NBEA: variants seen among roughly 807,000 people sequenced by gnomAD.
NBEA encodes neurobeachin, also known as lysosomal-trafficking regulator 2.
In NBEA, 44 loss-of-function variants were observed where a neutral mutation model predicts 343.4. The ratio of observed to expected loss-of-function variants is 0.13; its 90% confidence interval spans 0.10 to 0.16. NBEA has a LOEUF of 0.16. Among genes scored for constraint, NBEA ranks in the 10% least tolerant of loss-of-function variants. The pLI is 1.00. For synonymous variants in NBEA, 1,175 were observed against 1,238.7 expected (o/e 0.95, Z 1.08); for missense variants, 2,555 against 3,631.3 (o/e 0.70, Z 7.62).
chr13:35,286,604 C>T (rs184056165), intron 34 of NBEA, among the ~76,000 whole-genome samples: 19 of 152,054 alleles, frequency 1.2e-4, no homozygotes, highest in Admixed American at 1.1e-3. Flanking sequence ...AAGTTAGACC[C>T]GCAGATTGAC....
At chr13:35,543,733 G>A (rs930870355) in intron 41 of NBEA, among the ~76,000 whole-genome samples, 1 of 152,148 alleles carries the variant, frequency 6.6e-6, no homozygotes, top group African/African-American at 2.4e-5. Context: ...ATGGGAAAGA[G>A]AACCTGTACT....
intron 36 of NBEA, among the ~76,000 whole-genome samples, 190 bp from the exon 37 acceptor site, chr13:35,348,918 G>A (rs140148359): frequency 4.6e-5 from 7 of 152,014 alleles, no homozygotes; most frequent in Middle Eastern, 3.4e-3. Flanking sequence ...CAGAGGAATT[G>A]GTGCAACAGT....
At chr13:35,069,493 C>G (rs1334861130) in intron 8 of NBEA, among the ~76,000 whole-genome samples, 2 of 152,030 alleles carry the variant, frequency 1.3e-5, no homozygotes, top group Non-Finnish European at 2.9e-5. Flanking sequence ...CTTTTTATAG[C>G]CTCAAATGAT....
intron 10 of NBEA, among the ~76,000 whole-genome samples, chr13:35,097,462 T>C (rs2065395834): frequency 6.6e-6 from 1 of 152,030 alleles, no homozygotes; most frequent in Non-Finnish European, 1.5e-5. Flanking sequence ...TATTTTGAGC[T>C]ACATTAAGCA....
chr13:35,146,754 C>A (rs915378618), intron 18 of NBEA, among the ~76,000 whole-genome samples: 1 of 152,136 alleles, frequency 6.6e-6, no homozygotes, highest in Non-Finnish European at 1.5e-5. Context: ...ATAGTGACTG[C>A]TATCATTTGG....
chr13:35,424,685 C>T (rs1234993714), intron 38 of NBEA, among the ~76,000 whole-genome samples: 1 of 152,064 alleles, frequency 6.6e-6, no homozygotes, highest in Non-Finnish European at 1.5e-5. Context: ...GGGAGGATTC[C>T]CTCTTTTTCT....
At chr13:35,506,493 T>G (rs549992772) in intron 41 of NBEA, among the ~76,000 whole-genome samples, 2 of 152,328 alleles carry the variant, frequency 1.3e-5, no homozygotes, top group East Asian at 3.9e-4. Flanking sequence ...ATCAAATGTA[T>G]TGATTCAGCA....
chr13:35,179,999 A>T (rs532038237), intron 28 of NBEA, among the ~76,000 whole-genome samples: 2 of 151,846 alleles, frequency 1.3e-5, no homozygotes, highest in Non-Finnish European at 3.0e-5. Context: ...GGAATAATTC[A>T]GAACAGATTT....
intron 49 of NBEA, among the ~76,000 whole-genome samples, chr13:35,633,355 G>T (rs1480757985): frequency 2.0e-5 from 3 of 150,530 alleles, no homozygotes; most frequent in Non-Finnish European, 4.4e-5. Context: ...GCCCACCTCG[G>T]CCTTCCAAAG....
At chr13:35,131,003 A>C (rs1472769467) in intron 17 of NBEA, among the ~76,000 whole-genome samples, 2 of 152,054 alleles carry the variant, frequency 1.3e-5, no homozygotes, top group Non-Finnish European at 1.5e-5. Flanking sequence ...CATAGTTGTG[A>C]ATATTTATAT....
At chr13:35,029,846 C>A (rs1289986991) in intron 1 of NBEA, among the ~76,000 whole-genome samples, 1 of 151,554 alleles carries the variant, frequency 6.6e-6, no homozygotes, top group African/African-American at 2.4e-5. Flanking sequence ...ATAAAAGTTA[C>A]TGCAGTTTAA....
intron 5 of NBEA, among the ~76,000 whole-genome samples, chr13:35,049,822 T>C (rs2063001037): frequency 6.6e-6 from 1 of 151,746 alleles, no homozygotes; most frequent in Non-Finnish European, 1.5e-5. Context: ...AACTGTATCA[T>C]TTATCAAACT....
intron 41 of NBEA, among the ~76,000 whole-genome samples, chr13:35,481,171 C>G (rs9315347): frequency 0.12 from 18,420 of 151,804 alleles, 1,419 homozygotes; most frequent in East Asian, 0.42. Flanking sequence ...GTGAAGAGTA[C>G]TTTTTTTCTC....
intron 38 of NBEA, among the ~76,000 whole-genome samples, chr13:35,418,519 A>G (rs1364333545): frequency 1.3e-5 from 2 of 152,036 alleles, no homozygotes; most frequent in East Asian, 1.9e-4. Context: ...CCACAAGAAT[A>G]TATGCTCAGC....
intron 49 of NBEA, among the ~76,000 whole-genome samples, chr13:35,644,442 AAAACT>A (rs1172528600): frequency 1.3e-5 from 2 of 152,230 alleles, no homozygotes; most frequent in Non-Finnish European, 2.9e-5. Context: ...TTTAAGAAAC[AAAACT>A]AGAGTCAAGC....
At chr13:35,121,693 A>G (rs552549116) in intron 16 of NBEA, among the ~76,000 whole-genome samples, 2 of 152,300 alleles carry the variant, frequency 1.3e-5, no homozygotes, top group African/African-American at 4.8e-5. Flanking sequence ...CATAAAAGAA[A>G]AAAAGAGAAA....
Position 35,671,022 on chromosome 13 carries a change from A to G in NBEA, c.*31A>G. The G allele has an allele frequency of 6.8e-7, 1 of 1,476,144 alleles. No individual in the cohort carries two copies. The highest frequency in any genetic ancestry group is 9.3e-7 in the Non-Finnish European group (1 of 1,079,656). 91.4% of individuals were successfully genotyped at this position (1,476,144 alleles called of 1,614,324 possible). On this transcript the variant is annotated 3_prime_UTR_variant, in exon 59 of 59. Coordinates refer to ENST00000379939, the MANE Select transcript of NBEA (RefSeq NM_001385012.1). ...AAGGAAGAACCAAAAGCCAAGTTAA[A>G]GCTGAGAGCACAAGTGCTGCATGGA...
At chr13:35,427,437 G>T (rs2044762351) in intron 38 of NBEA, among the ~76,000 whole-genome samples, 2 of 152,162 alleles carry the variant, frequency 1.3e-5, no homozygotes, top group South Asian at 2.1e-4. Flanking sequence ...AGCGGTGGCT[G>T]CAGAACAGCA....
chr13:35,594,966 C>CAA (rs2081709535), intron 47 of NBEA, among the ~76,000 whole-genome samples: 1 of 150,678 alleles, frequency 6.6e-6, no homozygotes. Context: ...CACACACACA[C>CAA]ACACACACAC....
Sources: gnomAD v4.1 joint callset for allele counts (sites outside exome capture counted in the v4.1 genomes callset) on GRCh38, gnomAD v4.1.1 for gene constraint, MANE v1.5 for transcripts, NCBI Gene and HGNC (gene_info 2026-07-23, HGNC 2026-07-21) for gene names.